The following UGGT2 variants were observed in gnomAD, a reference collection of about 807,000 sequenced individuals.
The protein encoded by UGGT2 is UDP-glucose:glycoprotein glucosyltransferase 2.
A neutral mutation model predicts 192.1 loss-of-function variants in UGGT2; 180 were observed. The ratio of observed to expected loss-of-function variants is 0.94; its 90% CI spans 0.83 to 1.06. The LOEUF is 1.06. UGGT2 is among the 50% of genes least tolerant of loss of function. UGGT2 has a pLI of 0.00. For missense variants in UGGT2, 1,849 were observed against 1,795.7 expected, an observed-to-expected ratio of 1.03 and a Z score of -0.54; for synonymous variants, 580 against 591.0, an observed-to-expected ratio of 0.98 and a Z score of 0.27.
intron 12 of UGGT2, among the ~76,000 whole-genome samples, chr13:95,956,642 C>T (rs1315667909): frequency 6.6e-6 from 1 of 152,110 alleles, no homozygotes; most frequent in Non-Finnish European, 1.5e-5. Context: ...ATGGCAATTG[C>T]CACAAAGCAA....
At chr13:95,967,202 G>C (rs1471246897) in intron 12 of UGGT2, among the ~76,000 whole-genome samples, 3 of 146,080 alleles carry the variant, frequency 2.1e-5, no homozygotes, top group African/African-American at 5.1e-5. Context: ...TGCCAGGCTT[G>C]AGTGCAGTGG....
chr13:95,909,878 C>G (rs1456048336), intron 20 of UGGT2, among the ~76,000 whole-genome samples: 1 of 148,460 alleles, frequency 6.7e-6, no homozygotes, highest in Non-Finnish European at 1.5e-5. Context: ...GCCCATCAGA[C>G]TAACAACGGA....
intron 38 of UGGT2, among the ~76,000 whole-genome samples, chr13:95,814,051 G>T (rs1006412585): frequency 6.6e-6 from 1 of 152,200 alleles, no homozygotes; most frequent in Non-Finnish European, 1.5e-5. Flanking sequence ...AAAAAGTCTG[G>T]GTATCTAGGC....
intron 38 of UGGT2, among the ~76,000 whole-genome samples, chr13:95,817,134 A>C (rs892534683): frequency 2.0e-5 from 3 of 152,208 alleles, no homozygotes; most frequent in Non-Finnish European, 4.4e-5. Context: ...TCTCAAAAAA[A>C]AGTCACTAAA....
intron 38 of UGGT2, among the ~76,000 whole-genome samples, chr13:95,831,793 T>A (rs1322689040): frequency 6.6e-6 from 1 of 152,068 alleles, no homozygotes; most frequent in Non-Finnish European, 1.5e-5. Flanking sequence ...GAAATACTTA[T>A]ATATAAGAAA....
At chr13:95,841,099 T>A (rs1036413759) in intron 36 of UGGT2, among the ~76,000 whole-genome samples, 2 of 151,992 alleles carry the variant, frequency 1.3e-5, no homozygotes, top group African/African-American at 4.8e-5. Flanking sequence ...ACCTAATGCA[T>A]GTGGGGCTTA....
intron 6 of UGGT2, 40 bp from the exon 7 acceptor site, chr13:95,996,175 T>C (rs771778475): frequency 6.5e-7 from 1 of 1,547,932 alleles, no homozygotes; most frequent in South Asian, 1.2e-5. Flanking sequence ...ACAAAAATAT[T>C]TTCAGACTGG....
At chr13:95,884,852 T>C (rs1466743770) in intron 26 of UGGT2, among the ~76,000 whole-genome samples, 172 bp from the exon 27 acceptor site, 1 of 152,214 alleles carries the variant, frequency 6.6e-6, no homozygotes, top group Non-Finnish European at 1.5e-5. Context: ...ACAATCATTA[T>C]TTGTTGACAC....
intron 27 of UGGT2, among the ~76,000 whole-genome samples, chr13:95,879,539 G>A (rs889047301): frequency 2.0e-5 from 3 of 152,146 alleles, no homozygotes; most frequent in East Asian, 1.9e-4. Context: ...GGGCTTAAGC[G>A]ATTCTCCCAC....
chr13:95,941,942 G>C (rs1432948036), intron 15 of UGGT2, among the ~76,000 whole-genome samples: 2 of 152,026 alleles, frequency 1.3e-5, no homozygotes, highest in African/African-American at 4.8e-5. Flanking sequence ...TTGAATTCTA[G>C]AGTTTTATGC....
At chr13:95,844,222 A>G (rs1348842892) in intron 36 of UGGT2, among the ~76,000 whole-genome samples, 1 of 152,222 alleles carries the variant, frequency 6.6e-6, no homozygotes, top group Non-Finnish European at 1.5e-5. Context: ...TCGGCCTCCC[A>G]AAGTGCTGGG....
At chr13:95,820,938 T>C (rs1452371198) in intron 38 of UGGT2, among the ~76,000 whole-genome samples, 1 of 152,158 alleles carries the variant, frequency 6.6e-6, no homozygotes, top group Non-Finnish European at 1.5e-5. Context: ...TCCTTACTAG[T>C]ATTTTCATTC....
intron 20 of UGGT2, among the ~76,000 whole-genome samples, chr13:95,920,332 A>G (rs2048806185): frequency 6.6e-6 from 1 of 152,240 alleles, no homozygotes; most frequent in African/African-American, 2.4e-5. Flanking sequence ...AATAAAAGCA[A>G]AAATTGGCAA....
At chr13:95,826,806 C>T (rs116139135) in intron 38 of UGGT2, among the ~76,000 whole-genome samples, 1 of 151,248 alleles carries the variant, frequency 6.6e-6, no homozygotes, top group Non-Finnish European at 1.5e-5. Context: ...CCCACACAGC[C>T]CCCCAAGAAA....
At chr13:96,013,915 C>A (rs2052245082) in intron 4 of UGGT2, among the ~76,000 whole-genome samples, 1 of 152,076 alleles carries the variant, frequency 6.6e-6, no homozygotes, top group Non-Finnish European at 1.5e-5. Context: ...ATCAAATCCC[C>A]AAGTATAAGC....
At chr13:95,826,426 C>T (rs1354097129) in intron 38 of UGGT2, among the ~76,000 whole-genome samples, 1 of 152,100 alleles carries the variant, frequency 6.6e-6, no homozygotes. Context: ...AAAGGGAAAA[C>T]CATCTTTATT....
chr13:95,942,221 G>GGTGTGTGTGTGTGTGTGTGTGT (rs370041064), intron 15 of UGGT2, among the ~76,000 whole-genome samples: 3 of 117,992 alleles, frequency 2.5e-5, no homozygotes. Flanking sequence ...TTAGGGTGAG[G>GGTGTGTGTGTGTGTGTGTGTGT]GTGTGTGTGT....
Position 95,880,030 on chromosome 13 carries a change from A to C in UGGT2, c.3229-2174T>G, listed in dbSNP as rs1422799612. On this transcript the variant is annotated intron_variant, in intron 27 of 38. Transcript: ENST00000376747. ...TACATTAGGTATTTCTCCTAATGCT[A>C]TCCCTTCCCCTAGCCCTCTGGCCCC... Among the ~76,000 whole-genome samples, 4 of 152,192 alleles carry C rather than the reference A, an allele frequency of 2.6e-5. No homozygotes were observed. In the East Asian group the frequency reaches 7.8e-4, roughly 29 times the overall value.
chr13:95,970,211 A>ATT lies in UGGT2; in HGVS notation c.1234_1235dup (p.Asn412LysfsTer10). Reference sequence around the variant, plus strand: ...TCATATCTTCCCCATTGATCCCAAGATTGCGAAGGCCATTCATCATTTTTC... The same window carrying ATT: ...TCATATCTTCCCCATTGATCCCAAGATTTTGCGAAGGCCATTCATCATTTTTC... On this transcript the variant is annotated frameshift_variant, in exon 12 of 39. Coordinates refer to ENST00000376747, the MANE Select transcript of UGGT2 (RefSeq NM_020121.4). LOFTEE classifies it high-confidence loss of function. 2 of 1,613,408 alleles carry ATT rather than the reference A, an allele frequency of 1.2e-6. No homozygotes were observed. The highest frequency in any genetic ancestry group is 1.7e-6 in the Non-Finnish European group (2 of 1,179,476).
Sources: allele counts gnomAD v4.1 joint callset (sites outside exome capture counted in the v4.1 genomes callset), GRCh38; gene constraint gnomAD v4.1.1; transcripts MANE v1.5; gene names NCBI Gene and HGNC (gene_info 2026-07-23, HGNC 2026-07-21).